Variants in FHIT observed in about 807,000 individuals in gnomAD.
The protein encoded by FHIT is fragile histidine triad diadenosine triphosphatase, also known as bis(5'-adenosyl)-triphosphatase.
In FHIT, 19 loss-of-function variants were observed where a neutral mutation model predicts 17.9. That is an observed-to-expected ratio of 1.06 (90% CI 0.74 to 1.56). FHIT has a LOEUF of 1.56. FHIT is among the 40% of genes most tolerant of loss of function. The pLI is 0.00. For synonymous variants in FHIT, 81 were observed against 69.7 expected (o/e 1.16, Z -0.81); for missense variants, 248 against 189.2 (o/e 1.31, Z -1.82).
chr3:60,194,341 A>G (rs1369214945), intron 5 of FHIT, among the ~76,000 whole-genome samples: 1 of 152,192 alleles, frequency 6.6e-6, no homozygotes, highest in East Asian at 1.9e-4. Flanking sequence ...TGGGGAAAGG[A>G]CACTCTATTT....
intron 5 of FHIT, among the ~76,000 whole-genome samples, chr3:60,084,172 G>C (rs1398123482): frequency 1.3e-5 from 2 of 152,138 alleles, no homozygotes; most frequent in Non-Finnish European, 2.9e-5. Flanking sequence ...GTAACCTCTG[G>C]AAAATGGAAT....
At chr3:60,492,286 T>C (rs1444447340) in intron 5 of FHIT, among the ~76,000 whole-genome samples, 4 of 152,220 alleles carry the variant, frequency 2.6e-5, no homozygotes, top group Non-Finnish European at 4.4e-5. Flanking sequence ...ATTTAAAATA[T>C]TGATGTCTTT....
In FHIT at chr3:61,220,226, C is replaced by G. The variant is rs79320580; in HGVS notation, c.-212-19561G>C. 9.9e-3 allele frequency among the ~76,000 whole-genome samples: 1,509 copies of G among 152,302 alleles called. 23 individuals carry two copies. The highest frequency in any genetic ancestry group is 0.035 in the African/African-American group (1,437 of 41,552). On this transcript the variant is annotated intron_variant, in intron 1 of 9. Coordinates refer to ENST00000492590, the MANE Select transcript of FHIT (RefSeq NM_002012.4). ...ATTCTTTCAAATGATAGCCAATTTT[C>G]AACTAAGAGAAGATTCTTAAACCCC... is the stretch of plus-strand genomic sequence containing the variant.
intron 7 of FHIT, among the ~76,000 whole-genome samples, chr3:59,992,970 C>T (rs553647938): frequency 1.3e-5 from 2 of 152,114 alleles, no homozygotes; most frequent in Admixed American, 1.3e-4. Flanking sequence ...TTATTCTACC[C>T]GTAAGAAGTC....
chr3:59,801,692 C>G (rs1443785597), intron 8 of FHIT, among the ~76,000 whole-genome samples: 1 of 152,050 alleles, frequency 6.6e-6, no homozygotes, highest in Non-Finnish European at 1.5e-5. Context: ...CCCACCAGCT[C>G]CTTCCAACAA....
Position 59,859,209 on chromosome 3 carries a change from G to C in FHIT, c.348+63137C>G, listed in dbSNP as rs1211470633. Among the ~76,000 whole-genome samples the C allele has an allele frequency of 2.0e-5, 3 of 152,204 alleles. No homozygotes were observed. The South Asian group carries it at 6.2e-4, about 32-fold the overall frequency. ...AGTACCAACTGGACCAGGTGATCAA[G>C]TGGGGATACGGTCAGTGTGGTTGCC... On this transcript the variant is annotated intron_variant, in intron 8 of 9. Transcript: ENST00000492590.
chr3:60,539,023 A>G (rs1332606961), intron 4 of FHIT, among the ~76,000 whole-genome samples: 4 of 152,098 alleles, frequency 2.6e-5, no homozygotes, highest in Non-Finnish European at 5.9e-5. Flanking sequence ...AATGGGAGAA[A>G]ATTTTTGCAA....
At chr3:60,883,374 T>G (rs1315682570) in intron 3 of FHIT, among the ~76,000 whole-genome samples, 1 of 152,092 alleles carries the variant, frequency 6.6e-6, no homozygotes, top group African/African-American at 2.4e-5. Context: ...ATCCTAAAAT[T>G]TATGTGGAAC....
At chr3:60,449,923 A>T (rs1296075994) in intron 5 of FHIT, among the ~76,000 whole-genome samples, 1 of 149,882 alleles carries the variant, frequency 6.7e-6, no homozygotes, top group African/African-American at 2.5e-5. Context: ...GAATCACTTG[A>T]AACTGGGAGG....
At chr3:59,750,399 G>A (rs1293212659) in intron 9 of FHIT, 2 of 224,348 alleles carry the variant, frequency 8.9e-6, no homozygotes, top group African/African-American at 2.2e-5. Context: ...ATTTGAACAG[G>A]GCACTCTAAA....
intron 4 of FHIT, among the ~76,000 whole-genome samples, chr3:60,668,554 CTTTTTTTTTTTT>C (rs71092627): frequency 5.5e-5 from 3 of 54,842 alleles, no homozygotes; most frequent in African/African-American, 7.3e-5. Flanking sequence ...CCAGCTCATT[CTTTTTTTTTTTT>C]TTTTTTTTTT....
At chr3:60,911,900 C>T (rs1706762936) in intron 3 of FHIT, among the ~76,000 whole-genome samples, 1 of 152,082 alleles carries the variant, frequency 6.6e-6, no homozygotes. Flanking sequence ...TAAAGAATAA[C>T]CGATATTTAT....
At chr3:59,997,680 T>C (rs1699569675) in intron 7 of FHIT, among the ~76,000 whole-genome samples, 1 of 152,176 alleles carries the variant, frequency 6.6e-6, no homozygotes, top group Admixed American at 6.5e-5. Flanking sequence ...AATCAACTTA[T>C]CACAAATTAC....
At chr3:61,176,995 G>GA (rs2038176579) in intron 2 of FHIT, among the ~76,000 whole-genome samples, 1 of 152,156 alleles carries the variant, frequency 6.6e-6, no homozygotes, top group Admixed American at 6.5e-5. Context: ...CTAACACGGT[G>GA]AAACCCCGTC....
chr3:60,159,351 G>A (rs563908239), intron 5 of FHIT, among the ~76,000 whole-genome samples: 35 of 152,112 alleles, frequency 2.3e-4, no homozygotes, highest in African/African-American at 8.2e-4. Flanking sequence ...AAACTCCTAG[G>A]CTCAAAGGAT....
At chr3:60,609,130 G>A (rs1257856475) in intron 4 of FHIT, among the ~76,000 whole-genome samples, 2 of 151,838 alleles carry the variant, frequency 1.3e-5, no homozygotes, top group Non-Finnish European at 2.9e-5. Flanking sequence ...GGGGATTGAT[G>A]CATGACTCCT....
At chr3:59,993,658 T>C (rs191004366) in intron 7 of FHIT, among the ~76,000 whole-genome samples, 2 of 152,070 alleles carry the variant, frequency 1.3e-5, no homozygotes, top group East Asian at 3.9e-4. Flanking sequence ...TATTACCCAC[T>C]TTCTGATGAG....
At chr3:60,789,377 G>A (rs145260078) in intron 4 of FHIT, among the ~76,000 whole-genome samples, 11 of 152,006 alleles carry the variant, frequency 7.2e-5, no homozygotes, top group East Asian at 1.9e-4. Flanking sequence ...AATTAGCTGC[G>A]CATGGTGGTG....
chr3:61,009,268 C>T (rs2031653146), intron 3 of FHIT, among the ~76,000 whole-genome samples: 1 of 152,182 alleles, frequency 6.6e-6, no homozygotes, highest in African/African-American at 2.4e-5. Flanking sequence ...CACTTAGCGT[C>T]AGAAGGCCAC....
Sources: allele counts gnomAD v4.1 joint callset (sites outside exome capture counted in the v4.1 genomes callset), GRCh38; gene constraint gnomAD v4.1.1; transcripts MANE v1.5; gene names NCBI Gene and HGNC (gene_info 2026-07-23, HGNC 2026-07-21).